EGLN1: variants seen among roughly 807,000 people sequenced by gnomAD.
EGLN1 encodes egl-9 family hypoxia inducible factor 1, also known as egl nine homolog 1.
A neutral mutation model predicts 38.3 loss-of-function variants in EGLN1; 17 were observed. The observed-to-expected ratio is 0.44, with a 90% confidence interval of 0.30 to 0.67. The LOEUF (loss-of-function observed/expected upper bound fraction) is 0.67, where lower values mean the gene tolerates loss of function less well. Ranked by LOEUF, EGLN1 falls within the 30% of genes least tolerant of loss-of-function variation. The pLI is 0.08. For synonymous variants in EGLN1, 283 were observed against 257.5 expected, an observed-to-expected ratio of 1.10 and a Z score of -0.95; for missense variants, 477 against 603.3, an observed-to-expected ratio of 0.79 and a Z score of 2.19.
intron 4 of EGLN1, among the ~76,000 whole-genome samples, chr1:231,367,333 T>C (rs1687675900): frequency 6.6e-6 from 1 of 152,232 alleles, no homozygotes. Flanking sequence ...ATGTGAATAA[T>C]TTACTCAGAC....
At chr1:231,393,156 TAGAAA>T (rs1688436823) in intron 1 of EGLN1, among the ~76,000 whole-genome samples, 1 of 118,390 alleles carries the variant, frequency 8.4e-6, no homozygotes, top group Non-Finnish European at 2.0e-5. Context: ...ATAACTAATA[TAGAAA>T]AGAAAAGCTG....
At chr1:231,412,011 C>CAAAAAAAAAAAAAAAAAAA (rs747472895) in intron 1 of EGLN1, among the ~76,000 whole-genome samples, 2 of 33,666 alleles carry the variant, frequency 5.9e-5, no homozygotes, top group African/African-American at 8.9e-5. Context: ...GACTCCATCT[C>CAAAAAAAAAAAAAAAAAAA]AAAAAAAAAA....
rs760247413 is a variant in EGLN1 at position 231,421,685 on chromosome 1, T to A, written c.204A>T (p.Gly68=). The A allele has an allele frequency of 6.6e-7, 1 of 1,506,678 alleles. No individual in the cohort carries two copies. Among genetic ancestry groups the A allele is most frequent in the Admixed American group, 2.1e-5 (1 of 48,354 alleles). 93.3% of individuals were successfully genotyped at this position (1,506,678 alleles called of 1,614,324 possible). ...GGCCGGAATGCTGGTGTGGGCCCAC[T>A]CCGTGGCCGAGGGCGCCCTCGCTGC... ...CQGSEGALGH[G]VGPHQHSGPA... Residue 68 remains glycine (G), a synonymous_variant, in exon 1 of 5, where the codon GGA becomes GGT. Transcript: ENST00000366641. This position sits in a 1 kb window ranked among gnomAD's most constrained non-coding sequence, Gnocchi z 5.5.
intron 1 of EGLN1, among the ~76,000 whole-genome samples, chr1:231,417,153 T>C (rs1376027734): frequency 6.6e-6 from 1 of 152,192 alleles, no homozygotes; most frequent in Non-Finnish European, 1.5e-5. Context: ...TCTCTGTTAG[T>C]GATAATAAAA....
At chr1:231,411,086 T>C (rs529354687) in intron 1 of EGLN1, among the ~76,000 whole-genome samples, 3 of 152,208 alleles carry the variant, frequency 2.0e-5, no homozygotes, top group South Asian at 4.2e-4. Flanking sequence ...AGAGAGATGG[T>C]TAATATGGTT....
intron 3 of EGLN1, among the ~76,000 whole-genome samples, chr1:231,368,012 TC>T (rs1687701459): frequency 6.6e-6 from 1 of 151,534 alleles, no homozygotes; most frequent in Non-Finnish European, 1.5e-5. Flanking sequence ...TGAAACCCCA[TC>T]TCTACTAAAA....
At chr1:231,385,140 A>T (rs115338004) in intron 1 of EGLN1, among the ~76,000 whole-genome samples, 4,705 of 152,316 alleles carry the variant, frequency 0.031, 247 homozygotes, top group African/African-American at 0.11. Flanking sequence ...GGTATGAGAT[A>T]TAAAAGAAGA....
intron 1 of EGLN1, among the ~76,000 whole-genome samples, chr1:231,377,284 A>G (rs1687984336): frequency 6.6e-6 from 1 of 152,248 alleles, no homozygotes. Context: ...TCGCAAAGTC[A>G]CATGACAGGG....
chr1:231,384,851 A>G (rs1049132194), intron 1 of EGLN1, among the ~76,000 whole-genome samples: 1 of 152,252 alleles, frequency 6.6e-6, no homozygotes, highest in East Asian at 1.9e-4. Context: ...TTGTGCCCCA[A>G]CTCCGGTCTA....
intron 1 of EGLN1, among the ~76,000 whole-genome samples, chr1:231,380,698 A>AT (rs1688062174): frequency 6.6e-6 from 1 of 152,184 alleles, no homozygotes; most frequent in Non-Finnish European, 1.5e-5. Context: ...CTGGCTTTGT[A>AT]TGAGTGCACA....
chr1:231,366,190 T>G lies in EGLN1; in HGVS notation c.*221A>C. The G allele has an allele frequency of 1.7e-6, 1 of 586,448 alleles. No individual in the cohort carries two copies. Among genetic ancestry groups the G allele is most frequent in the Non-Finnish European group, 3.0e-6 (1 of 331,046 alleles). The allele number at this position is 586,448 out of a possible 1,614,324, so 36.3% of individuals were successfully genotyped here. On this transcript the variant is annotated 3_prime_UTR_variant, in exon 5 of 5. Transcript: ENST00000366641. Reference sequence around the variant, plus strand: ...AAAACCATTTTCAATTAGTAGCTTATCTTCCTCCTGTAAGCAATCACAGAT... The same window carrying G: ...AAAACCATTTTCAATTAGTAGCTTAGCTTCCTCCTGTAAGCAATCACAGAT...
chr1:231,381,424 A>G (rs921747328), intron 1 of EGLN1, among the ~76,000 whole-genome samples: 6 of 152,216 alleles, frequency 3.9e-5, no homozygotes, highest in African/African-American at 1.4e-4. Flanking sequence ...AAATACAGAA[A>G]AACAATGAAA....
At chr1:231,397,402 T>C (rs1285938452) in intron 1 of EGLN1, among the ~76,000 whole-genome samples, 7 of 152,202 alleles carry the variant, frequency 4.6e-5, no homozygotes. Context: ...GCTTCAAATA[T>C]CCCTTGGCAC....
chr1:231,391,604 G>A (rs1209357352), intron 1 of EGLN1, among the ~76,000 whole-genome samples: 4 of 152,072 alleles, frequency 2.6e-5, no homozygotes, highest in African/African-American at 7.2e-5. Context: ...CTCAAACTCT[G>A]TTACAAAACA....
chr1:231,391,092 T>TGTGTG (rs1553353099), intron 1 of EGLN1, among the ~76,000 whole-genome samples: 2,790 of 67,272 alleles, frequency 0.041, 314 homozygotes, highest in Non-Finnish European at 0.068. Context: ...TGTTTTTTTT[T>TGTGTG]TGTGTGTGTG....
In EGLN1 at chr1:231,391,092, TTGTG is replaced by T. The variant is rs763284659; in HGVS notation, c.892-16997_892-16994del. Among the ~76,000 whole-genome samples, 89 of 67,354 alleles carry T rather than the reference TTGTG, an allele frequency of 1.3e-3. 5 individuals carry two copies. Among genetic ancestry groups the T allele is most frequent in the East Asian group, 2.0e-3 (5 of 2,506 alleles). 44.2% of individuals were successfully genotyped at this position (67,354 alleles called of 152,430 possible). On this transcript the variant is annotated intron_variant, in intron 1 of 4. Coordinates refer to ENST00000366641, the MANE Select transcript of EGLN1 (RefSeq NM_022051.3). ...ACAGGGAACTCATTCTGTTTTTTTT[TTGTG>T]TGTGTGTGTGTGTGTGTGTGTGTGT...
chr1:231,405,640 A>G (rs375136065), intron 1 of EGLN1, among the ~76,000 whole-genome samples: 16 of 152,248 alleles, frequency 1.1e-4, no homozygotes, highest in African/African-American at 3.9e-4. Flanking sequence ...ATCCAAGGCA[A>G]TACTAGCAGG....
chr1:231,412,651 C>T (rs1362070148), intron 1 of EGLN1, among the ~76,000 whole-genome samples: 1 of 152,126 alleles, frequency 6.6e-6, no homozygotes, highest in East Asian at 1.9e-4. Context: ...ACCTTAAAAC[C>T]TCTAGAGAAG....
chr1:231,382,095 C>T (rs1370493322), intron 1 of EGLN1, among the ~76,000 whole-genome samples: 1 of 152,174 alleles, frequency 6.6e-6, no homozygotes, highest in African/African-American at 2.4e-5. Flanking sequence ...AACAAAAATA[C>T]AAACAGAACA....
Sources: allele counts gnomAD v4.1 joint callset (sites outside exome capture counted in the v4.1 genomes callset), GRCh38; gene constraint gnomAD v4.1.1; non-coding constraint Gnocchi (gnomAD v3.1); transcripts MANE v1.5; gene names NCBI Gene and HGNC (gene_info 2026-07-23, HGNC 2026-07-21).